Variants in RYR3 observed in about 807,000 individuals in gnomAD.
The protein encoded by RYR3 is ryanodine receptor 3, also known as brain ryanodine receptor-calcium release channel.
RYR3 carries 207 observed loss-of-function variants against 584.3 expected under a neutral mutation model. That is an observed-to-expected ratio of 0.35 (90% CI 0.32 to 0.40). The LOEUF is 0.40. Ranked by LOEUF, RYR3 falls within the 10% of genes least tolerant of loss-of-function variation. RYR3 has a pLI of 1.00. For synonymous variants in RYR3, 2,416 were observed against 2,248.5 expected, an observed-to-expected ratio of 1.07 and a Z score of -2.11; for missense variants, 5,616 against 6,089.2, an observed-to-expected ratio of 0.92 and a Z score of 2.59.
chr15:33,686,383 T>C (rs867269481), intron 38 of RYR3, among the ~76,000 whole-genome samples: 4 of 152,094 alleles, frequency 2.6e-5, no homozygotes, highest in Non-Finnish European at 4.4e-5. Context: ...CCAGGAGAAG[T>C]TGAATCTCTG....
In RYR3 at chr15:33,539,432, C is replaced by G. The variant is rs2055618330; in HGVS notation, c.516C>G (p.Ile172Met). The change falls in exon 6 of 104, where the codon ATC becomes ATG. Residue 172 changes from isoleucine (I) to methionine (M), a missense_variant. Physicochemically the swap from Ile to Met is conservative, Grantham distance 10. Transcript: ENST00000634891. ...GEKVRIGDDL[I>M]LVSVSSERYL... ...AAGTTCGAATTGGCGATGACCTCAT[C>G]CTCGTCAGCGTGTCCTCTGAAAGAT... 1.2e-6 allele frequency: 2 copies of G among 1,600,320 alleles called. No homozygotes were observed. Among genetic ancestry groups the G allele is most frequent in the Non-Finnish European group, 1.7e-6 (2 of 1,172,538 alleles).
chr15:33,854,927 G>C lies in RYR3; in HGVS notation c.14007+15G>C. The C allele has an allele frequency of 6.2e-7, 1 of 1,603,308 alleles. No homozygotes were observed. The highest frequency in any genetic ancestry group is 8.5e-7 in the Non-Finnish European group (1 of 1,175,408). On this transcript the variant is annotated intron_variant, in intron 98 of 103. Coordinates refer to ENST00000634891, the MANE Select transcript of RYR3 (RefSeq NM_001036.6). ...ATGGCAAACAGGTATGGTTTCTACTGATGCAGAACAGAATGGACCTGTATA... is the reference window on the plus strand; with the variant it reads ...ATGGCAAACAGGTATGGTTTCTACTCATGCAGAACAGAATGGACCTGTATA...
At position 33,733,698 on chromosome 15, in the gene RYR3, A is replaced by G. The variant is rs1398894623; in HGVS notation, c.7424+2004A>G. ...ACTTGTCCAAACCAATAGAATGTAC[A>G]ACACCAAGAGTGAACCCTAATGTAA... On this transcript the variant is annotated intron_variant, in intron 48 of 103. Transcript: ENST00000634891. 3.3e-5 allele frequency among the ~76,000 whole-genome samples: 5 copies of G among 152,324 alleles called. No individual in the cohort carries two copies. The South Asian group carries it at 1.0e-3, about 32-fold the overall frequency.
At position 33,788,351 on chromosome 15, in the gene RYR3, A is replaced by C; in HGVS notation, c.9723A>C (p.Lys3241Asn). 3 of 1,613,956 alleles carry C rather than the reference A, an allele frequency of 1.9e-6. No individual in the cohort carries two copies. Among genetic ancestry groups the C allele is most frequent in the Non-Finnish European group, 2.5e-6 (3 of 1,179,878 alleles). ...QEEEQLKADG[K>N]GDTQEAELLI... ...AGGAGCAGTTGAAAGCCGATGGCAA[A>C]GGGGACACCCAGGAGGCAGAACTCC... Residue 3241 changes from lysine to asparagine, a missense_variant, in exon 67 of 104, where the codon AAA (lysine) becomes AAC (asparagine). Around this residue, in one of 9 missense-constraint regions of RYR3, gnomAD observed 954 missense variants for 1,132.2 expected, o/e 0.84. Transcript: ENST00000634891.
At chr15:33,335,566 A>T (rs925447954) in intron 1 of RYR3, among the ~76,000 whole-genome samples, 2 of 152,142 alleles carry the variant, frequency 1.3e-5, no homozygotes, top group African/African-American at 4.8e-5. Context: ...TAACTAATGG[A>T]TACTAGGCTT....
chr15:33,563,976 CAAA>C, intron 11 of RYR3, among the ~76,000 whole-genome samples: 1 of 151,748 alleles, frequency 6.6e-6, no homozygotes. Context: ...ACAGTACCTT[CAAA>C]AAAAATGGAA....
intron 38 of RYR3, among the ~76,000 whole-genome samples, chr15:33,687,491 A>G (rs2065096567): frequency 6.6e-6 from 1 of 152,348 alleles, no homozygotes; most frequent in Non-Finnish European, 1.5e-5. Flanking sequence ...ATACTGCCCA[A>G]GGTAATTTGT....
intron 1 of RYR3, among the ~76,000 whole-genome samples, chr15:33,332,893 G>A (rs1296997743): frequency 6.6e-6 from 1 of 152,010 alleles, no homozygotes; most frequent in East Asian, 1.9e-4. Flanking sequence ...ACTATTTACT[G>A]TCAGAACTCT....
intron 96 of RYR3, among the ~76,000 whole-genome samples, chr15:33,854,125 G>T (rs2079389131): frequency 6.6e-6 from 1 of 151,744 alleles, no homozygotes; most frequent in Non-Finnish European, 1.5e-5. Flanking sequence ...GAACCTGGCA[G>T]GTGGAGGTTG....
chr15:33,439,861 A>G (rs2046068136), intron 1 of RYR3, among the ~76,000 whole-genome samples: 1 of 152,226 alleles, frequency 6.6e-6, no homozygotes, highest in African/African-American at 2.4e-5. Flanking sequence ...GTCCTTTTTC[A>G]TTCATTAACA....
chr15:33,570,800 T>A (rs1031478665), intron 12 of RYR3, among the ~76,000 whole-genome samples: 2 of 149,154 alleles, frequency 1.3e-5, no homozygotes, highest in African/African-American at 4.9e-5. Context: ...ATGAAATGTA[T>A]TCCTATGTAT....
chr15:33,349,479 G>A (rs893028202), intron 1 of RYR3, among the ~76,000 whole-genome samples: 1 of 152,028 alleles, frequency 6.6e-6, no homozygotes, highest in African/African-American at 2.4e-5. Flanking sequence ...TCTAATAGAT[G>A]TTTAATGGTA....
chr15:33,527,270 A>T (rs1364388875), intron 3 of RYR3, among the ~76,000 whole-genome samples: 1 of 146,604 alleles, frequency 6.8e-6, no homozygotes, highest in African/African-American at 2.8e-5. Context: ...CAAATTCTTT[A>T]AAAAATAAAA....
At position 33,636,474 on chromosome 15, in the gene RYR3, C is replaced by A; in HGVS notation, c.3480C>A (p.Ile1160=). The A allele has an allele frequency of 6.2e-7, 1 of 1,613,524 alleles. No individual in the cohort carries two copies. The highest frequency in any genetic ancestry group is 8.5e-7 in the Non-Finnish European group (1 of 1,179,652). Residue 1160 remains isoleucine (I), a synonymous_variant, in exon 27 of 104, where the codon ATC becomes ATA. Coordinates refer to ENST00000634891, the MANE Select transcript of RYR3 (RefSeq NM_001036.6). ...TTAACCTGGATGATGCTTCAATGAT[C>A]TTCACACTGAATGGGGAGCTGCTGA... is the stretch of plus-strand genomic sequence containing the variant. ...CMINLDDASM[I]FTLNGELLIT...
intron 1 of RYR3, among the ~76,000 whole-genome samples, chr15:33,452,717 A>AC (rs1484585530): frequency 6.6e-6 from 1 of 151,822 alleles, no homozygotes; most frequent in African/African-American, 2.4e-5. Flanking sequence ...AGGTTAAAAA[A>AC]ATTGCCAAAA....
chr15:33,436,765 A>G (rs902921428), intron 1 of RYR3, among the ~76,000 whole-genome samples: 6 of 152,064 alleles, frequency 3.9e-5, no homozygotes, highest in Admixed American at 6.6e-5. Context: ...CAGCCTCCCA[A>G]AGTGCTGGTA....
intron 43 of RYR3, 29 bp from the exon 44 acceptor site, chr15:33,722,686 G>A (rs1165079224): frequency 1.9e-6 from 3 of 1,599,884 alleles, no homozygotes; most frequent in Non-Finnish European, 2.6e-6. Context: ...CCTTTTCATT[G>A]AGAAGGAAAC....
At chr15:33,691,859 G>T (rs778423960) in intron 38 of RYR3, among the ~76,000 whole-genome samples, 13 of 152,206 alleles carry the variant, frequency 8.5e-5, no homozygotes, top group Admixed American at 5.9e-4. Flanking sequence ...CTGCTAACTC[G>T]ATTCAAGCTA....
chr15:33,578,765 T>TA (rs1263790835), intron 12 of RYR3, among the ~76,000 whole-genome samples: 281 of 26,770 alleles, frequency 0.01, no homozygotes, highest in African/African-American at 0.045. Context: ...GAACTTAGAA[T>TA]AAAAAAAAAA....
Sources: allele counts gnomAD v4.1 joint callset (sites outside exome capture counted in the v4.1 genomes callset), GRCh38; gene constraint gnomAD v4.1.1; regional missense constraint gnomAD v4.1.1; transcripts MANE v1.5; gene names NCBI Gene and HGNC (gene_info 2026-07-23, HGNC 2026-07-21).